The following DCAF6 variants were observed in gnomAD, a reference collection of about 807,000 sequenced individuals.
DCAF6 encodes DDB1 and CUL4 associated factor 6.
In DCAF6, 54 loss-of-function variants were observed where a neutral mutation model predicts 125.1. The observed-to-expected ratio is 0.43, with a 90% CI of 0.35 to 0.54. The LOEUF (loss-of-function observed/expected upper bound fraction) is 0.54, where lower values mean the gene tolerates loss of function less well. Among genes scored for constraint, DCAF6 ranks in the 20% least tolerant of loss-of-function variants. The pLI is 0.01. For missense variants in DCAF6, 934 were observed against 1,161.7 expected, an observed-to-expected ratio of 0.80 and a Z score of 2.85; for synonymous variants, 371 against 390.4, an observed-to-expected ratio of 0.95 and a Z score of 0.58.
At chr1:167,933,169 GTT>G (rs112730724), upstream of DCAF6, among the ~76,000 whole-genome samples, 159 of 139,222 alleles carry the variant, frequency 1.1e-3, 1 homozygote, top group South Asian at 0.023. Flanking sequence ...AAACACATTA[GTT>G]TTTTTTTTTT....
intron 7 of DCAF6, among the ~76,000 whole-genome samples, chr1:168,000,510 G>GTA (rs1014358696): frequency 1.1e-4 from 16 of 152,112 alleles, no homozygotes; most frequent in Non-Finnish European, 1.9e-4. Flanking sequence ...TAGTTCTCCT[G>GTA]TATACCCAAG....
At chr1:167,930,353 T>C in the DCAF6 span, among the ~76,000 whole-genome samples, 2 of 152,330 alleles carry the variant, frequency 1.3e-5, no homozygotes, top group South Asian at 2.1e-4. Context: ...CAGTTACTTT[T>C]AGATTTAGAA....
chr1:168,020,181 C>T (rs1291388576), intron 11 of DCAF6, among the ~76,000 whole-genome samples: 1 of 152,160 alleles, frequency 6.6e-6, no homozygotes, highest in Admixed American at 6.5e-5. Context: ...TGGATTATCT[C>T]ATTACATCTT....
At chr1:167,931,564 CAT>C (rs1417168433), upstream of DCAF6, among the ~76,000 whole-genome samples, 3 of 151,736 alleles carry the variant, frequency 2.0e-5, no homozygotes, top group African/African-American at 7.3e-5. Flanking sequence ...TATATATGGA[CAT>C]ATATTAATAT....
the DCAF6 span, among the ~76,000 whole-genome samples, chr1:167,898,995 G>C: frequency 6.6e-6 from 1 of 152,062 alleles, no homozygotes; most frequent in Non-Finnish European, 1.5e-5. Flanking sequence ...ACTGAACTTC[G>C]CCGCACTTGC....
chr1:168,014,729 A>G (rs1193682678), intron 10 of DCAF6, among the ~76,000 whole-genome samples: 1 of 152,156 alleles, frequency 6.6e-6, no homozygotes, highest in Non-Finnish European at 1.5e-5. Context: ...TTTAAAATGT[A>G]TTGCACATTC....
At chr1:167,919,906 T>C in the DCAF6 span, 3 of 998,812 alleles carry the variant, frequency 3.0e-6, no homozygotes, top group Admixed American at 7.1e-5. Context: ...AGACCCCGTC[T>C]CAAAAAAAAA....
intron 21 of DCAF6, among the ~76,000 whole-genome samples, chr1:168,072,054 T>C (rs1298601914): frequency 6.6e-6 from 1 of 151,764 alleles, no homozygotes; most frequent in Non-Finnish European, 1.5e-5. Context: ...TCCCAGCACT[T>C]TGGGAGGCCG....
intron 6 of DCAF6, 36 bp downstream of exon 6, chr1:167,991,375 C>T (rs1416260186): frequency 6.4e-7 from 1 of 1,564,760 alleles, no homozygotes; most frequent in South Asian, 1.2e-5. Context: ...ATAGGACTGT[C>T]AGTTCAAAGA....
At chr1:167,898,805 G>C in the DCAF6 span, among the ~76,000 whole-genome samples, 1 of 152,032 alleles carries the variant, frequency 6.6e-6, no homozygotes. Flanking sequence ...TCTTTCTGCC[G>C]CGTAGTCCCA....
At chr1:167,882,752 C>G in the DCAF6 span, among the ~76,000 whole-genome samples, 1 of 152,034 alleles carries the variant, frequency 6.6e-6, no homozygotes. Context: ...TGAGCTCAGA[C>G]GGGGATGGCA....
At chr1:167,927,884 A>G in the DCAF6 span, among the ~76,000 whole-genome samples, 1 of 152,362 alleles carries the variant, frequency 6.6e-6, no homozygotes, top group Admixed American at 6.5e-5. Flanking sequence ...CTATGAAAAC[A>G]AGCTCTAATT....
chr1:167,979,714 G>A (rs941351441), intron 4 of DCAF6, among the ~76,000 whole-genome samples: 2 of 152,018 alleles, frequency 1.3e-5, no homozygotes, highest in Admixed American at 6.6e-5. Context: ...AGATGAAACC[G>A]TGCCTCTATT....
chr1:167,951,721 T>C (rs1323434191), intron 1 of DCAF6, 79 bp from the exon 2 acceptor site: 10 of 913,326 alleles, frequency 1.1e-5, no homozygotes, highest in Non-Finnish European at 1.6e-5. Flanking sequence ...TCATGCCAGA[T>C]CCTAGGCTCC....
the DCAF6 span, among the ~76,000 whole-genome samples, chr1:167,865,531 C>T: frequency 6.6e-6 from 1 of 152,078 alleles, no homozygotes; most frequent in African/African-American, 2.4e-5. Context: ...ATTAATAACA[C>T]ACTAATATAA....
At position 168,045,231 on chromosome 1, in the gene DCAF6, G is replaced by C. The variant is rs545227871; in HGVS notation, c.2258+4G>C. The C allele has an allele frequency of 1.5e-5, 24 of 1,579,582 alleles. No homozygotes were observed. The highest frequency in any genetic ancestry group is 2.1e-5 in the Non-Finnish European group (24 of 1,165,418). On this transcript the variant is annotated splice_donor_region_variant and intron_variant, in intron 16 of 21. Transcript: ENST00000367840. ...ATCGAGCAGGACCTGGTGATAGGTT[G>C]GTAAATTTTTAATTAACATGAACTG... is the stretch of plus-strand genomic sequence containing the variant.
At chr1:168,034,237 G>A (rs10918812) in intron 12 of DCAF6, among the ~76,000 whole-genome samples, 4,408 of 152,214 alleles carry the variant, frequency 0.029, 220 homozygotes, top group African/African-American at 0.1. Context: ...AAACCTCAGC[G>A]GGCACAGTGG....
chr1:167,869,164 A>T, the DCAF6 span, among the ~76,000 whole-genome samples: 1 of 152,322 alleles, frequency 6.6e-6, no homozygotes, highest in Middle Eastern at 3.4e-3. Context: ...CCATGTTTAG[A>T]AGGTGGTTCC....
intron 3 of DCAF6, among the ~76,000 whole-genome samples, chr1:167,971,898 C>T (rs1286963602): frequency 2.0e-5 from 3 of 152,068 alleles, no homozygotes; most frequent in Non-Finnish European, 4.4e-5. Context: ...CTCTGTCGCC[C>T]AGGCTGCAGT....
Sources: allele counts gnomAD v4.1 joint callset (sites outside exome capture counted in the v4.1 genomes callset), GRCh38; gene constraint gnomAD v4.1.1; transcripts MANE v1.5; gene names NCBI Gene and HGNC (gene_info 2026-07-23, HGNC 2026-07-21).